Variants in ELAPOR2 observed in about 807,000 individuals in gnomAD.
The protein encoded by ELAPOR2 is endosome/lysosome-associated apoptosis and autophagy regulator family member 2.
ELAPOR2 carries 89 observed loss-of-function variants against 120.7 expected under a neutral mutation model. The observed-to-expected ratio is 0.74, with a 90% CI of 0.62 to 0.88. The LOEUF is 0.88. Among genes scored for constraint, ELAPOR2 ranks in the 40% least tolerant of loss-of-function variants. The probability of loss-of-function intolerance (pLI) is 0.00; values close to 1 mark genes in which losing one functional copy is unlikely to be tolerated. For synonymous variants in ELAPOR2, 444 were observed against 444.9 expected (o/e 1.00, Z 0.03); for missense variants, 1,134 against 1,251.6 (o/e 0.91, Z 1.42).
intron 2 of ELAPOR2, among the ~76,000 whole-genome samples, chr7:86,958,718 G>A (rs952760334): frequency 1.3e-5 from 2 of 152,148 alleles, no homozygotes; most frequent in East Asian, 1.9e-4. Flanking sequence ...TCTTCCTTCA[G>A]AATTCACCTC....
intron 1 of ELAPOR2, among the ~76,000 whole-genome samples, chr7:86,970,746 G>T (rs1583926182): frequency 6.6e-6 from 1 of 152,122 alleles, no homozygotes; most frequent in Non-Finnish European, 1.5e-5. Context: ...TTTATAAAAG[G>T]AACATGATGT....
intron 18 of ELAPOR2, among the ~76,000 whole-genome samples, chr7:86,898,891 C>G (rs1167384303): frequency 6.6e-6 from 1 of 152,044 alleles, no homozygotes; most frequent in East Asian, 1.9e-4. Context: ...TGCACAGGAC[C>G]CTGGTCTTTT....
At chr7:87,043,775 G>C (rs1312001915) in intron 1 of ELAPOR2, among the ~76,000 whole-genome samples, 2 of 151,652 alleles carry the variant, frequency 1.3e-5, no homozygotes, top group African/African-American at 4.9e-5. Context: ...TCAGGCAGGA[G>C]AAGGAAATAA....
At position 87,059,631 on chromosome 7, in the gene ELAPOR2, G is replaced by A. The variant is rs1193461758; in HGVS notation, c.-118C>T. The stretch of plus-strand genomic sequence containing the variant: ...TCGTCTCGCCGCTCCGTCACCCGCT[G>A]CCCGTCCGCCCGCTGACAGCTCTGC... On this transcript the variant is annotated 5_prime_UTR_variant, in exon 1 of 22. Transcript: ENST00000450689. 9.6e-7 allele frequency: 1 copy of A among 1,043,914 alleles called. No homozygotes were observed. Among genetic ancestry groups the A allele is most frequent in the Non-Finnish European group, 1.2e-6 (1 of 857,318 alleles). 64.7% of individuals were successfully genotyped at this position (1,043,914 alleles called of 1,614,324 possible). A position where few individuals can be genotyped will look rare whatever the true frequency, so the allele number is the denominator to read the frequency against.
chr7:86,919,078 T>C (rs1480625946), intron 11 of ELAPOR2, 142 bp downstream of exon 11: 1 of 562,992 alleles, frequency 1.8e-6, no homozygotes, highest in Non-Finnish European at 3.1e-6. Context: ...TTCAATATAA[T>C]ACATTACCCT....
chr7:86,999,697 C>T (rs1793247626), intron 1 of ELAPOR2, among the ~76,000 whole-genome samples: 1 of 152,100 alleles, frequency 6.6e-6, no homozygotes, highest in South Asian at 2.1e-4. Flanking sequence ...ATGGTAGAAA[C>T]ATTCAGTGCA....
chr7:87,006,242 A>G (rs1793466844), intron 1 of ELAPOR2, among the ~76,000 whole-genome samples: 2 of 152,184 alleles, frequency 1.3e-5, no homozygotes, highest in South Asian at 2.1e-4. Flanking sequence ...ACACATTAAA[A>G]AGTCATTTAA....
intron 17 of ELAPOR2, 82 bp downstream of exon 17, chr7:86,908,365 T>C (rs1290833471): frequency 2.8e-6 from 2 of 720,846 alleles, no homozygotes; most frequent in Non-Finnish European, 4.7e-6. Flanking sequence ...CCCATAATTA[T>C]AAATATATGA....
At chr7:87,043,610 T>G (rs1458255436) in intron 1 of ELAPOR2, among the ~76,000 whole-genome samples, 1 of 145,018 alleles carries the variant, frequency 6.9e-6, no homozygotes, top group African/African-American at 2.6e-5. Context: ...TGGGACGTAT[T>G]TCAAAATAAT....
intron 1 of ELAPOR2, among the ~76,000 whole-genome samples, chr7:87,022,441 T>G (rs1355495639): frequency 2.0e-5 from 3 of 152,112 alleles, no homozygotes; most frequent in South Asian, 2.1e-4. Context: ...TAGTATTCCA[T>G]GGTGTATATG....
chr7:87,027,742 G>A (rs190872599), intron 1 of ELAPOR2, among the ~76,000 whole-genome samples: 2 of 152,254 alleles, frequency 1.3e-5, no homozygotes, highest in Non-Finnish European at 2.9e-5. Context: ...ATAATCCTTA[G>A]AAGGAACCAA....
In ELAPOR2 at chr7:86,932,862, T is replaced by A. The variant is rs1375991720; in HGVS notation, c.1089+5264A>T. Among the ~76,000 whole-genome samples, 3 of 151,940 alleles carry A rather than the reference T, an allele frequency of 2.0e-5. No homozygotes were observed. The East Asian group carries it at 5.8e-4, about 29-fold the overall frequency. On this transcript the variant is annotated intron_variant, in intron 8 of 21. Transcript: ENST00000450689. ...AGTGCTTTTATATCTGAGAGTTTCT[T>A]TCACACAAATAAATTTTGATTTTAC...
chr7:87,003,687 G>A (rs192819802), intron 1 of ELAPOR2, among the ~76,000 whole-genome samples: 1 of 152,166 alleles, frequency 6.6e-6, no homozygotes, highest in African/African-American at 2.4e-5. Flanking sequence ...ATGTGAGAAC[G>A]AGCTAATACA....
At chr7:87,011,160 C>T (rs1172023294) in intron 1 of ELAPOR2, among the ~76,000 whole-genome samples, 8 of 145,700 alleles carry the variant, frequency 5.5e-5, no homozygotes, top group Non-Finnish European at 1.2e-4. Flanking sequence ...CCCAGCTACT[C>T]GGGAGGCTGA....
intron 1 of ELAPOR2, among the ~76,000 whole-genome samples, chr7:87,012,855 A>G (rs1004795935): frequency 2.3e-4 from 35 of 152,312 alleles, no homozygotes; most frequent in Admixed American, 2.0e-3. Flanking sequence ...ACAGCCTGCC[A>G]CTGCTGTGTG....
In ELAPOR2 at chr7:86,882,260, A is replaced by G. The variant is rs554122012; in HGVS notation, c.3031-1730T>C. On this transcript the variant is annotated intron_variant, in intron 21 of 21. Transcript: ENST00000450689. ...AGACTTTAGGGATACAAAAATGAGTACAGCAAGATGTCTTCCCTCAAGGAG... is the reference window on the plus strand; with the variant it reads ...AGACTTTAGGGATACAAAAATGAGTGCAGCAAGATGTCTTCCCTCAAGGAG... Among the ~76,000 whole-genome samples, 68 of 152,322 alleles carry G rather than the reference A, an allele frequency of 4.5e-4. 1 individual carries two copies. Among genetic ancestry groups the G allele is most frequent in the Middle Eastern group, 3.4e-3 (1 of 294 alleles).
rs928320666 is a variant in ELAPOR2 at position 86,907,553 on chromosome 7, C to T, written c.2558+117G>A. 1.9e-5 allele frequency: 12 copies of T among 643,226 alleles called. No homozygotes were observed. In the South Asian group the frequency reaches 2.5e-4, roughly 14 times the overall value. 39.8% of individuals were successfully genotyped at this position (643,226 alleles called of 1,614,324 possible). A position where few individuals can be genotyped will look rare whatever the true frequency, so the allele number is the denominator to read the frequency against. On this transcript the variant is annotated intron_variant, in intron 18 of 21. Transcript: ENST00000450689. ...CCCTACAAAAAAAAAAAAAACCCTA[C>T]AGATTGTTCTGTTTTCTTTCTGCTT...
intron 1 of ELAPOR2, among the ~76,000 whole-genome samples, chr7:86,999,897 G>C (rs118171082): frequency 1.6e-4 from 25 of 152,068 alleles, no homozygotes; most frequent in Non-Finnish European, 2.8e-4. Context: ...TATTTCATCT[G>C]TTTTAAAATC....
Position 86,912,146 on chromosome 7 carries a change from T to A in ELAPOR2, c.2095A>T (p.Met699Leu). 6.2e-7 allele frequency: 1 copy of A among 1,613,276 alleles called. No individual in the cohort carries two copies. The highest frequency in any genetic ancestry group is 8.5e-7 in the Non-Finnish European group (1 of 1,179,306). The change falls in exon 15 of 22, where the codon ATG (methionine) becomes TTG (leucine). Residue 699 changes from methionine to leucine, a missense_variant. By Grantham distance (15) the Met-to-Leu change is conservative. Coordinates refer to ENST00000450689, the MANE Select transcript of ELAPOR2 (RefSeq NM_001142749.3). ...FSNLSSVGSL[M>L]NGPSFTSKGT... ...TTGGAGGTGAAGCTGGGGCCATTCA[T>A]TAATGAGCCCACACTGCTGAGGTTG...
Sources: gnomAD v4.1 joint callset for allele counts (sites outside exome capture counted in the v4.1 genomes callset) on GRCh38, gnomAD v4.1.1 for gene constraint, MANE v1.5 for transcripts, NCBI Gene and HGNC (gene_info 2026-07-23, HGNC 2026-07-21) for gene names.